Variants in GPC6 observed in about 807,000 individuals in gnomAD.
GPC6 encodes the protein glypican-6.
Under a neutral mutation model 55.2 loss-of-function variants are expected in GPC6, and 14 were observed. The observed-to-expected ratio is 0.25, with a 90% CI of 0.17 to 0.40. The LOEUF (loss-of-function observed/expected upper bound fraction) is 0.40, where lower values mean the gene tolerates loss of function less well. Among genes scored for constraint, GPC6 ranks in the 10% least tolerant of loss-of-function variants. The probability of loss-of-function intolerance (pLI) is 1.00; values close to 1 mark genes in which losing one functional copy is unlikely to be tolerated. For missense variants in GPC6, 641 were observed against 708.5 expected (o/e 0.90, Z 1.08); for synonymous variants, 278 against 259.6 (o/e 1.07, Z -0.68).
chr13:94,128,749 A>G (rs1226155695), intron 4 of GPC6, among the ~76,000 whole-genome samples: 1 of 152,168 alleles, frequency 6.6e-6, no homozygotes, highest in East Asian at 1.9e-4. Flanking sequence ...TCTGGCAAAC[A>G]GCATTGTGAG....
intron 2 of GPC6, among the ~76,000 whole-genome samples, chr13:93,578,054 T>C (rs1043215591): frequency 2.0e-5 from 3 of 152,140 alleles, no homozygotes; most frequent in African/African-American, 7.2e-5. Flanking sequence ...TGAATCCCAG[T>C]TGATCCTAGT....
chr13:93,807,849 C>T (rs141036305), intron 2 of GPC6, among the ~76,000 whole-genome samples: 8 of 152,204 alleles, frequency 5.3e-5, no homozygotes, highest in African/African-American at 1.7e-4. Context: ...AAACTCAAGA[C>T]CCTTTCCCTT....
intron 4 of GPC6, among the ~76,000 whole-genome samples, chr13:94,169,530 G>T (rs145948797): frequency 2.0e-5 from 3 of 152,196 alleles, no homozygotes; most frequent in Non-Finnish European, 2.9e-5. Context: ...GACAGTTATT[G>T]TGTCTCTGTG....
chr13:94,308,849 G>C (rs1484170990), intron 6 of GPC6, among the ~76,000 whole-genome samples: 2 of 152,216 alleles, frequency 1.3e-5, no homozygotes, highest in Non-Finnish European at 2.9e-5. Context: ...GCTAATAACA[G>C]AGTCTCAGCA....
chr13:94,271,212 C>T (rs8001838), intron 4 of GPC6, among the ~76,000 whole-genome samples: 118,062 of 150,558 alleles, frequency 0.78, 46,419 homozygotes, highest in East Asian at 0.93. Context: ...AGGATGGTCT[C>T]GATCTCCTGA....
At chr13:93,232,434 G>C (rs4357810) in intron 1 of GPC6, among the ~76,000 whole-genome samples, 1 of 152,104 alleles carries the variant, frequency 6.6e-6, no homozygotes, top group Admixed American at 6.6e-5. Context: ...TGGGCTATTA[G>C]AAGCGTCACT....
intron 4 of GPC6, among the ~76,000 whole-genome samples, chr13:94,081,835 A>G (rs1326352553): frequency 1.6e-5 from 2 of 125,970 alleles, no homozygotes; most frequent in Non-Finnish European, 3.5e-5. Flanking sequence ...TATGCCTTCT[A>G]CTACTTTCCT....
At chr13:93,436,150 A>T (rs1877563213) in intron 1 of GPC6, among the ~76,000 whole-genome samples, 1 of 152,184 alleles carries the variant, frequency 6.6e-6, no homozygotes, top group African/African-American at 2.4e-5. Flanking sequence ...TATATCAAAA[A>T]TAGAATGGAG....
At chr13:94,111,517 T>C (rs1273827114) in intron 4 of GPC6, among the ~76,000 whole-genome samples, 1 of 149,264 alleles carries the variant, frequency 6.7e-6, no homozygotes, top group Non-Finnish European at 1.5e-5. Context: ...ATAATAAACT[T>C]CTTAATTTAA....
chr13:93,387,982 C>G (rs9589726), intron 1 of GPC6, among the ~76,000 whole-genome samples: 17 of 152,074 alleles, frequency 1.1e-4, no homozygotes, highest in East Asian at 9.7e-4. Flanking sequence ...ACTATCTGAA[C>G]GATCATCCTG....
intron 2 of GPC6, among the ~76,000 whole-genome samples, chr13:93,644,843 A>AT (rs1880107768): frequency 1.3e-5 from 2 of 152,056 alleles, no homozygotes; most frequent in African/African-American, 2.4e-5. Flanking sequence ...TTATTCCTGT[A>AT]TTTTTTCCCT....
intron 4 of GPC6, among the ~76,000 whole-genome samples, chr13:94,162,866 T>A (rs1297398594): frequency 4.6e-5 from 7 of 152,128 alleles, no homozygotes; most frequent in Non-Finnish European, 1.0e-4. Flanking sequence ...TTAAAACCAC[T>A]CATATTTAAT....
chr13:93,744,805 T>C (rs573422635), intron 2 of GPC6, among the ~76,000 whole-genome samples: 1 of 151,618 alleles, frequency 6.6e-6, no homozygotes, highest in South Asian at 2.1e-4. Flanking sequence ...TGGTGGAGCA[T>C]GCTTGTAGTC....
chr13:93,904,492 T>A (rs1876529251), intron 3 of GPC6, among the ~76,000 whole-genome samples: 1 of 152,172 alleles, frequency 6.6e-6, no homozygotes, highest in Non-Finnish European at 1.5e-5. Context: ...AAAACTTAAC[T>A]TTTATTTTTA....
At chr13:93,618,064 C>T (rs1209354793) in intron 2 of GPC6, among the ~76,000 whole-genome samples, 2 of 151,976 alleles carry the variant, frequency 1.3e-5, no homozygotes, top group Non-Finnish European at 2.9e-5. Flanking sequence ...CAGGACTGTA[C>T]AAAATGTAAA....
the GPC6 span, among the ~76,000 whole-genome samples, chr13:93,218,804 C>T: frequency 6.6e-6 from 1 of 152,086 alleles, no homozygotes; most frequent in Non-Finnish European, 1.5e-5. Flanking sequence ...AACAAATTTT[C>T]TTTGTCTTTC....
At chr13:93,784,797 A>C (rs1440115288) in intron 2 of GPC6, among the ~76,000 whole-genome samples, 1 of 152,190 alleles carries the variant, frequency 6.6e-6, no homozygotes. Flanking sequence ...TGAATGGCTG[A>C]TTGTGATATG....
intron 2 of GPC6, among the ~76,000 whole-genome samples, chr13:93,752,061 C>T (rs1884612684): frequency 6.6e-6 from 1 of 151,806 alleles, no homozygotes; most frequent in Non-Finnish European, 1.5e-5. Flanking sequence ...TATAATAGTC[C>T]AGAAAAAAAT....
chr13:93,698,649 A>G (rs1401450544), intron 2 of GPC6, among the ~76,000 whole-genome samples: 1 of 151,268 alleles, frequency 6.6e-6, no homozygotes, highest in African/African-American at 2.4e-5. Flanking sequence ...TATTCTTCTA[A>G]ATACTCCTTT....
Sources: gnomAD v4.1 joint callset for allele counts (sites outside exome capture counted in the v4.1 genomes callset) on GRCh38, gnomAD v4.1.1 for gene constraint, MANE v1.5 for transcripts, NCBI Gene and HGNC (gene_info 2026-07-23, HGNC 2026-07-21) for gene names.